Variants in GABRB1 observed in about 807,000 individuals in gnomAD.
The protein encoded by GABRB1 is gamma-aminobutyric acid receptor subunit beta-1.
A neutral mutation model predicts 51.6 loss-of-function variants in GABRB1; 17 were observed. The ratio of observed to expected loss-of-function variants is 0.33; its 90% CI spans 0.23 to 0.49. The LOEUF (loss-of-function observed/expected upper bound fraction) is 0.49. GABRB1 is among the 20% of genes least tolerant of loss of function. The probability of loss-of-function intolerance (pLI) is 0.99; values close to 1 mark genes in which losing one functional copy is unlikely to be tolerated. For missense variants in GABRB1, 410 were observed against 600.6 expected (o/e 0.68, Z 3.32); for synonymous variants, 247 against 218.9 (o/e 1.13, Z -1.14).
Position 47,249,736 on chromosome 4 carries a change from A to G in GABRB1, c.462-70391A>G, listed in dbSNP as rs534204941. ...TTAAAAGTTTGTTTTGTCTGATACA[A>G]GAATAGCTACCCCTGCTTGCTTTCG... On this transcript the variant is annotated intron_variant, in intron 4 of 8. Coordinates refer to ENST00000295454, the MANE Select transcript of GABRB1 (RefSeq NM_000812.4). Among the ~76,000 whole-genome samples, 9 of 152,270 alleles carry G rather than the reference A, an allele frequency of 5.9e-5. No individual in the cohort carries two copies. The South Asian group carries it at 1.9e-3, about 32-fold the overall frequency.
At chr4:47,098,998 A>AT (rs1366765329) in intron 3 of GABRB1, among the ~76,000 whole-genome samples, 1 of 152,036 alleles carries the variant, frequency 6.6e-6, no homozygotes, top group Non-Finnish European at 1.5e-5. Context: ...ATTTCCAATG[A>AT]TTTTCCCTTC....
intron 5 of GABRB1, among the ~76,000 whole-genome samples, chr4:47,382,656 G>A (rs988287837): frequency 3.9e-5 from 6 of 152,152 alleles, no homozygotes; most frequent in African/African-American, 1.4e-4. Context: ...AAAGTGAAAA[G>A]TATCATCACT....
intron 4 of GABRB1, among the ~76,000 whole-genome samples, chr4:47,167,217 A>C (rs1211199119): frequency 6.6e-6 from 1 of 152,078 alleles, no homozygotes; most frequent in Non-Finnish European, 1.5e-5. Flanking sequence ...ACCAAAGAGC[A>C]ATTATCACTA....
intron 3 of GABRB1, among the ~76,000 whole-genome samples, chr4:47,060,455 A>G (rs1282709307): frequency 1.3e-5 from 2 of 152,160 alleles, no homozygotes; most frequent in Non-Finnish European, 1.5e-5. Context: ...ACATTTCTGT[A>G]CTTGCATTGG....
intron 3 of GABRB1, among the ~76,000 whole-genome samples, chr4:47,034,605 C>T (rs754447281): frequency 5.3e-5 from 8 of 152,050 alleles, no homozygotes; most frequent in Non-Finnish European, 7.4e-5. Flanking sequence ...AATAATAAAC[C>T]TTGATTTACT....
chr4:47,081,656 TAATA>T (rs1727848265), intron 3 of GABRB1, among the ~76,000 whole-genome samples: 2 of 152,130 alleles, frequency 1.3e-5, no homozygotes, highest in Non-Finnish European at 1.5e-5. Context: ...TGCCCAAGTT[TAATA>T]TGTTTTTATG....
chr4:47,369,287 T>C (rs1338922670), intron 5 of GABRB1, among the ~76,000 whole-genome samples: 1 of 152,206 alleles, frequency 6.6e-6, no homozygotes, highest in Admixed American at 6.5e-5. Flanking sequence ...TGACTAGTTG[T>C]GTGATCTTGA....
chr4:47,415,936 TAA>T (rs1728903856), intron 8 of GABRB1, among the ~76,000 whole-genome samples: 1 of 152,152 alleles, frequency 6.6e-6, no homozygotes, highest in African/African-American at 2.4e-5. Context: ...ACTCAAAGTA[TAA>T]GTTTCAGATT....
intron 1 of GABRB1, among the ~76,000 whole-genome samples, chr4:47,020,164 CT>C (rs1279989189): frequency 3.9e-5 from 6 of 152,018 alleles, no homozygotes; most frequent in Non-Finnish European, 7.4e-5. Context: ...GGCCTTTCCA[CT>C]GTGCATGAGC....
chr4:47,147,582 C>T (rs1717228964), intron 3 of GABRB1, among the ~76,000 whole-genome samples: 2 of 152,116 alleles, frequency 1.3e-5, no homozygotes, highest in Admixed American at 6.6e-5. Flanking sequence ...AATTTCCACA[C>T]AGAGCAATGC....
chr4:47,376,830 T>C (rs1029164941), intron 5 of GABRB1, among the ~76,000 whole-genome samples: 10 of 152,300 alleles, frequency 6.6e-5, no homozygotes, highest in African/African-American at 2.4e-4. Context: ...AGTCATGTAT[T>C]TATTCAACCA....
chr4:47,113,350 C>CA (rs1715318110), intron 3 of GABRB1, among the ~76,000 whole-genome samples: 1 of 143,548 alleles, frequency 7.0e-6, no homozygotes, highest in Admixed American at 7.1e-5. Context: ...CGTGCCACTG[C>CA]ACTCCAGCCT....
At chr4:46,999,689 T>C (rs1023881871) in intron 1 of GABRB1, among the ~76,000 whole-genome samples, 2 of 152,080 alleles carry the variant, frequency 1.3e-5, no homozygotes, top group African/African-American at 4.8e-5. Flanking sequence ...GTTTACAAGA[T>C]AACAAATAAA....
intron 3 of GABRB1, among the ~76,000 whole-genome samples, chr4:47,039,260 T>C (rs1173303529): frequency 6.6e-6 from 1 of 150,738 alleles, no homozygotes; most frequent in African/African-American, 2.4e-5. Context: ...TCCCTGTCTC[T>C]CACATCCCCG....
intron 3 of GABRB1, among the ~76,000 whole-genome samples, chr4:47,125,852 G>A (rs13128579): frequency 0.25 from 36,772 of 149,676 alleles, 5,856 homozygotes; most frequent in Middle Eastern, 0.44. Context: ...ACCGCGCCCG[G>A]CCCAAAGTAT....
rs546503482 is a variant in GABRB1, at chr4:47,139,842, G to A, written c.241-21407G>A. Among the ~76,000 whole-genome samples, 8 of 152,000 alleles carry A rather than the reference G, an allele frequency of 5.3e-5. No individual in the cohort carries two copies. In the East Asian group the frequency reaches 1.2e-3, roughly 22 times the overall value. ...TTCTGCATTTCCAACAAGCTCCGACGTTACGTTGATGTTGTAGGTCCATGG... is the reference window on the plus strand; with the variant it reads ...TTCTGCATTTCCAACAAGCTCCGACATTACGTTGATGTTGTAGGTCCATGG... On this transcript the variant is annotated intron_variant, in intron 3 of 8. Coordinates refer to ENST00000295454, the MANE Select transcript of GABRB1 (RefSeq NM_000812.4).
intron 4 of GABRB1, among the ~76,000 whole-genome samples, chr4:47,235,113 C>T (rs943802089): frequency 5.3e-5 from 8 of 152,166 alleles, no homozygotes; most frequent in African/African-American, 1.9e-4. Context: ...TCATATCCAG[C>T]TTTTTCCATA....
chr4:47,260,617 T>C (rs1722391176), intron 4 of GABRB1, among the ~76,000 whole-genome samples: 1 of 152,200 alleles, frequency 6.6e-6, no homozygotes, highest in African/African-American at 2.4e-5. Flanking sequence ...AAATTCTGGG[T>C]TGAAAATTCT....
intron 4 of GABRB1, among the ~76,000 whole-genome samples, chr4:47,294,614 G>GT (rs1723891698): frequency 6.6e-6 from 1 of 152,246 alleles, no homozygotes; most frequent in Non-Finnish European, 1.5e-5. Context: ...AGCTCGAATT[G>GT]GGTGGAGCCC....
Sources: allele counts gnomAD v4.1 joint callset (sites outside exome capture counted in the v4.1 genomes callset), GRCh38; gene constraint gnomAD v4.1.1; transcripts MANE v1.5; gene names NCBI Gene and HGNC (gene_info 2026-07-23, HGNC 2026-07-21).